Variants in INSC observed in about 807,000 individuals in gnomAD.
The protein encoded by INSC is INSC spindle orientation adaptor protein, also known as protein inscuteable homolog.
Under a neutral mutation model 58.6 loss-of-function variants are expected in INSC, and 67 were observed. The ratio of observed to expected loss-of-function variants is 1.14; its 90% confidence interval spans 0.94 to 1.40. The LOEUF is 1.40. Ranked by LOEUF, INSC falls within the 40% of genes most tolerant of loss-of-function variation. The pLI is 0.00. For missense variants in INSC, 714 were observed against 692.0 expected (o/e 1.03, Z -0.36); for synonymous variants, 262 against 276.1 (o/e 0.95, Z 0.51).
intron 6 of INSC, among the ~76,000 whole-genome samples, chr11:15,192,444 T>C (rs1850215384): frequency 6.6e-6 from 1 of 152,158 alleles, no homozygotes; most frequent in Admixed American, 6.5e-5. Context: ...CTAAAAAGAG[T>C]AGCAGGCACT....
At chr11:15,174,192 A>ATC (rs1231549526) in intron 2 of INSC, among the ~76,000 whole-genome samples, 1 of 151,672 alleles carries the variant, frequency 6.6e-6, no homozygotes, top group Non-Finnish European at 1.5e-5. Context: ...GCACTTGCTG[A>ATC]TCTCTCTCCT....
At chr11:15,122,186 G>GA (rs1354095810) in intron 1 of INSC, among the ~76,000 whole-genome samples, 4 of 152,076 alleles carry the variant, frequency 2.6e-5, no homozygotes, top group Non-Finnish European at 5.9e-5. Flanking sequence ...GTTTTTAGAA[G>GA]AAAAAACCCC....
the INSC span, among the ~76,000 whole-genome samples, chr11:15,260,092 A>G: frequency 6.6e-6 from 1 of 152,172 alleles, no homozygotes; most frequent in African/African-American, 2.4e-5. Context: ...GGAGCAGTGG[A>G]GAGGATCTTA....
chr11:15,230,013 A>ATATATATATATATATGTGTAT (rs1491490993), intron 9 of INSC, among the ~76,000 whole-genome samples: 2 of 23,866 alleles, frequency 8.4e-5, no homozygotes, highest in African/African-American at 3.5e-4. Context: ...ATATATATAT[A>ATATATATATATATATGTGTAT]ATATATATAT....
intron 7 of INSC, among the ~76,000 whole-genome samples, chr11:15,207,515 T>C (rs571536993): frequency 1.3e-5 from 2 of 152,198 alleles, no homozygotes; most frequent in South Asian, 4.1e-4. Context: ...CCTCATTTCC[T>C]GGGGCAGCTT....
At chr11:15,249,502 G>A (rs934672906), downstream of INSC, among the ~76,000 whole-genome samples, 12 of 152,116 alleles carry the variant, frequency 7.9e-5, no homozygotes, top group Non-Finnish European at 8.8e-5. Context: ...ATTGTGTCCC[G>A]GGCCTCAAAG....
the INSC span, among the ~76,000 whole-genome samples, chr11:15,258,598 T>C: frequency 6.6e-6 from 1 of 152,166 alleles, no homozygotes; most frequent in Non-Finnish European, 1.5e-5. Flanking sequence ...GTGATGTAAT[T>C]TGATCTGTTA....
chr11:15,146,952 T>C (rs1410437992), intron 1 of INSC, among the ~76,000 whole-genome samples: 1 of 152,216 alleles, frequency 6.6e-6, no homozygotes, highest in Non-Finnish European at 1.5e-5. Flanking sequence ...CAGTTTCCTC[T>C]TGGTTCAAAC....
At chr11:15,188,710 A>G (rs142222597) in intron 5 of INSC, among the ~76,000 whole-genome samples, 88 of 152,336 alleles carry the variant, frequency 5.8e-4, no homozygotes, top group African/African-American at 2.1e-3. Context: ...CTCAGACTTA[A>G]ATTGTCTAAT....
At chr11:15,114,873 G>C (rs1413955329), upstream of INSC, 1 of 910,860 alleles carries the variant, frequency 1.1e-6, no homozygotes, top group Non-Finnish European at 1.3e-6. Context: ...GGGGCGGGGG[G>C]TGGGGCGGGG....
At chr11:15,245,817 C>CT in intron 12 of INSC, 95 bp from the exon 13 acceptor site, 2 of 1,478,618 alleles carry the variant, frequency 1.4e-6, no homozygotes, top group South Asian at 2.7e-5. Context: ...AAATGCACCA[C>CT]TTTCTGAAAT....
intron 2 of INSC, among the ~76,000 whole-genome samples, chr11:15,173,646 G>A (rs545159791): frequency 1.3e-5 from 2 of 152,038 alleles, no homozygotes; most frequent in Non-Finnish European, 2.9e-5. Context: ...ACATATGCAT[G>A]TATATGTATA....
chr11:15,164,057 A>G (rs1324424579), intron 2 of INSC, among the ~76,000 whole-genome samples: 1 of 151,902 alleles, frequency 6.6e-6, no homozygotes, highest in Non-Finnish European at 1.5e-5. Context: ...CTTTCTGATA[A>G]TTTATGCTTC....
intron 5 of INSC, among the ~76,000 whole-genome samples, chr11:15,187,846 G>T (rs74323453): frequency 0.05 from 7,541 of 152,000 alleles, 641 homozygotes; most frequent in African/African-American, 0.17. Flanking sequence ...TTTTTGAAAC[G>T]TCTCCAATGT....
intron 6 of INSC, among the ~76,000 whole-genome samples, chr11:15,196,766 A>G (rs1850386955): frequency 1.3e-5 from 2 of 152,218 alleles, no homozygotes; most frequent in Admixed American, 1.3e-4. Context: ...TACAAATAAC[A>G]TATTTTAACC....
intron 8 of INSC, among the ~76,000 whole-genome samples, chr11:15,223,909 G>C (rs951798474): frequency 2.0e-5 from 3 of 152,210 alleles, no homozygotes; most frequent in Non-Finnish European, 4.4e-5. Flanking sequence ...CCCAGAGGGA[G>C]GCATTACCCT....
chr11:15,229,573 C>A (rs1358783669), intron 9 of INSC, among the ~76,000 whole-genome samples: 1 of 151,962 alleles, frequency 6.6e-6, no homozygotes, highest in African/African-American at 2.4e-5. Context: ...TTGTTCCCTC[C>A]CTCATGTCAT....
intron 2 of INSC, among the ~76,000 whole-genome samples, chr11:15,173,952 G>T (rs1245763749): frequency 6.6e-6 from 1 of 151,950 alleles, no homozygotes; most frequent in Non-Finnish European, 1.5e-5. Flanking sequence ...ACCCTACTTG[G>T]TACCTTTGCT....
intron 1 of INSC, among the ~76,000 whole-genome samples, chr11:15,141,206 G>A (rs575053229): frequency 1.3e-5 from 2 of 152,260 alleles, no homozygotes; most frequent in East Asian, 3.9e-4. Context: ...CCCAGGAGCT[G>A]TAGTCTTAGC....
Sources: allele counts gnomAD v4.1 joint callset (sites outside exome capture counted in the v4.1 genomes callset), GRCh38; gene constraint gnomAD v4.1.1; transcripts MANE v1.5; gene names NCBI Gene and HGNC (gene_info 2026-07-23, HGNC 2026-07-21).